Variants in KCNMB3 observed in about 807,000 individuals in gnomAD.
KCNMB3 encodes the protein calcium-activated potassium channel subunit beta-3.
Under a neutral mutation model 11.9 loss-of-function variants are expected in KCNMB3, and 18 were observed. The observed-to-expected ratio is 1.51, with a 90% CI of 1.04 to 2.23. The LOEUF is 2.23. KCNMB3 is among the 30% of genes most tolerant of loss of function. The pLI is 0.00. For synonymous variants in KCNMB3, 78 were observed against 119.2 expected (o/e 0.65, Z 2.25); for missense variants, 247 against 329.4 (o/e 0.75, Z 1.94).
chr3:179,258,900 G>C lies in KCNMB3; in HGVS notation c.62+7749C>G, dbSNP rs371649923. 6 of 1,604,288 alleles carry C rather than the reference G, an allele frequency of 3.7e-6. No homozygotes were observed. The African/African-American group carries it at 8.0e-5, about 21-fold the overall frequency. On this transcript the variant is annotated intron_variant, in intron 1 of 3. Coordinates refer to the KCNMB3 transcript ENST00000349697. ...ATAACTTAAAGCAGTAGATCACCTG[G>C]TGATTGGCATACAGTGCATCTCTAT...
upstream of KCNMB3, chr3:179,251,124 T>A: frequency 6.2e-7 from 1 of 1,614,110 alleles, no homozygotes; most frequent in South Asian, 1.1e-5. Flanking sequence ...TAAAGTGATG[T>A]GTAATCAAGT....
upstream of KCNMB3, chr3:179,251,712 T>C (rs1450613330): frequency 5.2e-6 from 6 of 1,152,374 alleles, no homozygotes; most frequent in Admixed American, 4.0e-5. Context: ...GCCTTCTCTG[T>C]CGTTTTTTGT....
At chr3:179,249,965 G>A (rs1725778972) in intron 1 of KCNMB3, among the ~76,000 whole-genome samples, 1 of 152,068 alleles carries the variant, frequency 6.6e-6, no homozygotes, top group Non-Finnish European at 1.5e-5. Flanking sequence ...GATCTGTGCT[G>A]CAAACCACCA....
chr3:179,260,361 G>T (rs1223359762), intron 1 of KCNMB3: 1 of 1,613,830 alleles, frequency 6.2e-7, no homozygotes, highest in Non-Finnish European at 8.5e-7. Flanking sequence ...ACCTGCTAAG[G>T]TTCCTAGGAA....
chr3:179,257,792 A>C (rs915646732), intron 1 of KCNMB3, among the ~76,000 whole-genome samples: 11 of 152,178 alleles, frequency 7.2e-5, no homozygotes, highest in Non-Finnish European at 1.5e-5. Context: ...AGCTCACTGC[A>C]GCCTTGAACT....
At chr3:179,244,355 G>A in intron 2 of KCNMB3, 140 bp downstream of exon 2, 2 of 650,176 alleles carry the variant, frequency 3.1e-6, no homozygotes, top group Non-Finnish European at 5.5e-6. Flanking sequence ...CATTTATCCT[G>A]ATTTGATCAC....
At position 179,250,727 on chromosome 3, in the gene KCNMB3, T is replaced by C. The variant is rs1040367199; in HGVS notation, c.248+16A>G. Reference sequence around the variant, plus strand: ...TCTGAATTGGAAACTCTAGATTTCCTTCCTCTGTTTCTTACCTGAGCATAA... The same window carrying C: ...TCTGAATTGGAAACTCTAGATTTCCCTCCTCTGTTTCTTACCTGAGCATAA... On this transcript the variant is annotated intron_variant, in intron 1 of 2. Transcript: ENST00000392685. The C allele has an allele frequency of 5.6e-6, 9 of 1,613,272 alleles. No individual in the cohort carries two copies. The highest frequency in any genetic ancestry group is 7.6e-6 in the Non-Finnish European group (9 of 1,179,294).
At chr3:179,265,764 G>C (rs1250333197) in intron 1 of KCNMB3, among the ~76,000 whole-genome samples, 2 of 152,076 alleles carry the variant, frequency 1.3e-5, no homozygotes, top group Admixed American at 6.6e-5. Context: ...GGCACAAAAG[G>C]TTTTAGTATC....
intron 1 of KCNMB3, among the ~76,000 whole-genome samples, chr3:179,250,282 A>G (rs1440109865): frequency 6.6e-6 from 1 of 152,204 alleles, no homozygotes. Flanking sequence ...CACTACATAT[A>G]TTGAATAAAG....
At chr3:179,259,297 C>T (rs1398365749) in intron 1 of KCNMB3, 7 of 1,554,260 alleles carry the variant, frequency 4.5e-6, no homozygotes, top group Middle Eastern at 1.7e-4. Context: ...CTCTCTGGTT[C>T]TTCAGGATTG....
At chr3:179,240,368 T>C, downstream of KCNMB3, 2 of 258,596 alleles carry the variant, frequency 7.7e-6, no homozygotes, top group Non-Finnish European at 1.5e-5. Flanking sequence ...TATATGCTTG[T>C]ATTTTAAGAA....
intron 1 of KCNMB3, among the ~76,000 whole-genome samples, chr3:179,245,366 A>G (rs1413217354): frequency 6.6e-6 from 1 of 152,220 alleles, no homozygotes; most frequent in Non-Finnish European, 1.5e-5. Context: ...GGAATCTCTC[A>G]GTAGAATACT....
chr3:179,244,588 C>A lies in KCNMB3; in HGVS notation c.354G>T (p.Lys118Asn). The change falls in exon 2 of 3, where the codon AAG (lysine) becomes AAT (asparagine). Residue 118 changes from lysine to asparagine, a missense_variant. Physicochemically the swap from Lys to Asn is moderately conservative, Grantham distance 94. Coordinates refer to ENST00000392685, the MANE Select transcript of KCNMB3 (RefSeq NM_171830.2). ...TCACAAACACCTGAAGACACGGGTA[C>A]TTCCCCTGACCGTGGCAGTGCACAC... is the stretch of plus-strand genomic sequence containing the variant. The part of the protein sequence containing the change: ...TCGVHCHGQG[K>N]YPCLQVFVNL... The A allele has an allele frequency of 1.2e-6, 2 of 1,614,164 alleles. No homozygotes were observed. The highest frequency in any genetic ancestry group is 1.6e-4 in the Middle Eastern group (1 of 6,062).
downstream of KCNMB3, chr3:179,241,979 A>G (rs1315456904): frequency 6.5e-6 from 1 of 154,184 alleles, no homozygotes; most frequent in Non-Finnish European, 1.5e-5. Flanking sequence ...GAAAAGCTTA[A>G]TTAACTAGAA....
At chr3:179,246,678 A>C (rs939650216) in intron 1 of KCNMB3, among the ~76,000 whole-genome samples, 1 of 152,168 alleles carries the variant, frequency 6.6e-6, no homozygotes, top group Admixed American at 6.5e-5. Flanking sequence ...TCACTAAATT[A>C]ATTTATATGT....
chr3:179,247,947 A>T (rs1028544087), intron 1 of KCNMB3, among the ~76,000 whole-genome samples: 38 of 152,102 alleles, frequency 2.5e-4, no homozygotes, highest in African/African-American at 9.2e-4. Context: ...TGTCCAAAAA[A>T]AAAAGGGCTG....
rs545402338 is a variant in KCNMB3 at position 179,244,799 on chromosome 3, C to G, written c.249-106G>C. 3.2e-6 allele frequency: 3 copies of G among 948,204 alleles called. No individual in the cohort carries two copies. The South Asian group carries it at 4.6e-5, about 15-fold the overall frequency. The allele number at this position is 948,204 out of a possible 1,614,324, so 58.7% of individuals were successfully genotyped here. A position where few individuals can be genotyped will look rare whatever the true frequency, so the allele number is the denominator to read the frequency against. Reference sequence around the variant, plus strand: ...ACACAATGCCCAAGGCATTTGTGTACAAGGCATTTGTGTATTTTGAGGTGG... The same window carrying G: ...ACACAATGCCCAAGGCATTTGTGTAGAAGGCATTTGTGTATTTTGAGGTGG... On this transcript the variant is annotated intron_variant, in intron 1 of 2. Coordinates refer to ENST00000392685, the MANE Select transcript of KCNMB3 (RefSeq NM_171830.2).
intron 1 of KCNMB3, among the ~76,000 whole-genome samples, chr3:179,266,288 G>A (rs902403483): frequency 6.6e-6 from 1 of 152,188 alleles, no homozygotes; most frequent in African/African-American, 2.4e-5. Context: ...TGACTCCAGG[G>A]CTTCACCAAT....
intron 1 of KCNMB3, among the ~76,000 whole-genome samples, chr3:179,265,398 T>A (rs1006255336): frequency 3.9e-5 from 6 of 152,210 alleles, no homozygotes; most frequent in Non-Finnish European, 8.8e-5. Flanking sequence ...GAGCCAATAA[T>A]AAATCATGCA....
Sources: allele counts gnomAD v4.1 joint callset (sites outside exome capture counted in the v4.1 genomes callset), GRCh38; gene constraint gnomAD v4.1.1; transcripts MANE v1.5; gene names NCBI Gene and HGNC (gene_info 2026-07-23, HGNC 2026-07-21).